Variants in PUM3 observed in about 807,000 individuals in gnomAD.
PUM3 encodes pumilio RNA binding family member 3, also known as pumilio homolog 3.
Under a neutral mutation model 84.0 loss-of-function variants are expected in PUM3, and 91 were observed. The observed-to-expected ratio is 1.08, with a 90% CI of 0.91 to 1.29. PUM3 has a LOEUF of 1.29. Among genes scored for constraint, PUM3 ranks in the 50% most tolerant of loss-of-function variants. PUM3 has a pLI of 0.00. For synonymous variants in PUM3, 321 were observed against 266.7 expected, an observed-to-expected ratio of 1.20 and a Z score of -1.98; for missense variants, 1,067 against 767.5, an observed-to-expected ratio of 1.39 and a Z score of -4.61.
At chr9:2,829,308 A>G (rs10738792) in intron 8 of PUM3, among the ~76,000 whole-genome samples, 81,483 of 152,012 alleles carry the variant, frequency 0.54, 22,113 homozygotes, top group South Asian at 0.61. Flanking sequence ...CAATCCCTGT[A>G]CTCTATCCAA....
chr9:2,827,360 C>T (rs879509402), intron 9 of PUM3, among the ~76,000 whole-genome samples: 1 of 152,174 alleles, frequency 6.6e-6, no homozygotes, highest in Admixed American at 6.5e-5. Context: ...CATCTACAAC[C>T]AAGACCAGAG....
At chr9:2,806,223 C>T (rs765338390) in intron 17 of PUM3, among the ~76,000 whole-genome samples, 7 of 152,160 alleles carry the variant, frequency 4.6e-5, no homozygotes, top group Non-Finnish European at 8.8e-5. Flanking sequence ...TAGGTGTTAA[C>T]ACTCCAAATG....
rs769753394 is a variant in PUM3, at chr9:2,837,165, C to T, written c.304+15G>A. 8.1e-6 allele frequency: 13 copies of T among 1,608,216 alleles called. No individual in the cohort carries two copies. The highest frequency in any genetic ancestry group is 1.7e-5 in the Admixed American group (1 of 59,994). On this transcript the variant is annotated intron_variant, in intron 3 of 17. Coordinates refer to ENST00000397885, the MANE Select transcript of PUM3 (RefSeq NM_014878.5). ...GTTCAGGCACTAGTTCAGGCATGAA[C>T]GAACCAGTACTTACCATCGCTTCTA... is the stretch of plus-strand genomic sequence containing the variant.
rs770792573 is a variant in PUM3, at chr9:2,827,083, T to C, written c.1025A>G (p.Lys342Arg). ...FLDFFTYAPP[K>R]LRSEMIEAIR... Reference sequence around the variant, plus strand: ...AAACCAAGAACTTACTGATCTGAGTTTGGGGGGTGCATAGGTAAAAAAGTC... The same window carrying C: ...AAACCAAGAACTTACTGATCTGAGTCTGGGGGGTGCATAGGTAAAAAAGTC... The change falls in exon 10 of 18, where the codon AAA (lysine) becomes AGA (arginine). Residue 342 changes from lysine (K) to arginine (R), a missense_variant. Lys to Arg is a conservative substitution (Grantham distance 26). Transcript: ENST00000397885. 4 of 1,608,554 alleles carry C rather than the reference T, an allele frequency of 2.5e-6. No individual in the cohort carries two copies. Among genetic ancestry groups the C allele is most frequent in the African/African-American group, 2.7e-5 (2 of 74,792 alleles).
intron 17 of PUM3, 41 bp downstream of exon 17, chr9:2,807,773 T>C (rs1445034095): frequency 3.1e-6 from 4 of 1,302,334 alleles, no homozygotes; most frequent in Non-Finnish European, 2.2e-6. Flanking sequence ...GTCTTTTGCA[T>C]GACCAGGCCC....
intron 5 of PUM3, among the ~76,000 whole-genome samples, chr9:2,831,605 C>A (rs938499793): frequency 4.6e-5 from 7 of 152,074 alleles, no homozygotes; most frequent in African/African-American, 1.7e-4. Context: ...CCTCTCATTG[C>A]AATTAAAACC....
chr9:2,830,386 G>C (rs1023534940), intron 7 of PUM3, among the ~76,000 whole-genome samples: 5 of 152,124 alleles, frequency 3.3e-5, no homozygotes, highest in African/African-American at 1.2e-4. Context: ...AAAAAGATTG[G>C]TCAAGACAAG....
In PUM3 at chr9:2,807,024, C is replaced by T. The variant is rs542466008; in HGVS notation, c.1814+790G>A. On this transcript the variant is annotated intron_variant, in intron 17 of 17. Transcript: ENST00000397885. ...GAGATCGAGACCATCCTGGCTAACA[C>T]GGTGAAACCAGGTCTCTACTAAAAA... 2.6e-5 allele frequency among the ~76,000 whole-genome samples: 4 copies of T among 151,942 alleles called. No individual in the cohort carries two copies. The East Asian group carries it at 5.8e-4, about 22-fold the overall frequency.
At chr9:2,841,215 T>A (rs1816256513) in intron 1 of PUM3, among the ~76,000 whole-genome samples, 1 of 152,234 alleles carries the variant, frequency 6.6e-6, no homozygotes, top group African/African-American at 2.4e-5. Context: ...CTGTACCCCG[T>A]GAGAAATAAA....
chr9:2,812,774 C>A (rs1273309465), intron 13 of PUM3, among the ~76,000 whole-genome samples: 1 of 152,140 alleles, frequency 6.6e-6, no homozygotes, highest in African/African-American at 2.4e-5. Context: ...TGACCAAGCC[C>A]AAGGACTTAA....
intron 14 of PUM3, among the ~76,000 whole-genome samples, chr9:2,811,887 A>C (rs1351849502): frequency 6.6e-6 from 1 of 152,100 alleles, no homozygotes; most frequent in Non-Finnish European, 1.5e-5. Flanking sequence ...ATACCCAGAA[A>C]ACAACACATT....
At position 2,824,687 on chromosome 9, in the gene PUM3, G is replaced by T. The variant is rs767409507; in HGVS notation, c.1134+30C>A. 3.5e-6 allele frequency: 5 copies of T among 1,425,334 alleles called. No homozygotes were observed. In the East Asian group the frequency reaches 9.9e-5, roughly 28 times the overall value. 88.3% of individuals were successfully genotyped at this position (1,425,334 alleles called of 1,614,324 possible). On this transcript the variant is annotated intron_variant, in intron 11 of 17. Transcript: ENST00000397885. ...ATAAAGCATGGCCCTGACTTGTACA[G>T]TTTAAATGCCCAAGTGCTGTCACAC...
chr9:2,824,422 C>T (rs1399085176), intron 11 of PUM3, among the ~76,000 whole-genome samples: 2 of 152,090 alleles, frequency 1.3e-5, no homozygotes, highest in Non-Finnish European at 2.9e-5. Context: ...GAGGAGGTAC[C>T]AAAACCTCTA....
Position 2,804,393 on chromosome 9 carries a change from A to C in PUM3, c.1885T>G (p.Leu629Val), listed in dbSNP as rs12171. The C allele has an allele frequency of 2.5e-5, 41 of 1,613,670 alleles. No homozygotes were observed. The highest frequency in any genetic ancestry group is 3.4e-5 in the Non-Finnish European group (40 of 1,179,926). Reference sequence around the variant, plus strand: ...TTGCTGGTGCTTTTGGTTTTTTCCAATGTAGGAATCAAGCTTTTCAGTGCA... The same window carrying C: ...TTGCTGGTGCTTTTGGTTTTTTCCACTGTAGGAATCAAGCTTTTCAGTGCA... ...KAALKSLIPT[L>V]EKTKSTSKGI... Residue 629 changes from leucine (L) to valine (V), a missense_variant, in exon 18 of 18, where the codon TTG becomes GTG. Physicochemically the swap from Leu to Val is conservative, Grantham distance 32. Coordinates refer to ENST00000397885, the MANE Select transcript of PUM3 (RefSeq NM_014878.5).
At chr9:2,819,946 T>C (rs1821552768) in intron 13 of PUM3, 72 bp downstream of exon 13, 1 of 971,732 alleles carries the variant, frequency 1.0e-6, no homozygotes, top group Admixed American at 1.7e-5. Context: ...ACATGCATGG[T>C]GAAATCAAGC....
chr9:2,817,860 T>C (rs946451692), intron 13 of PUM3, among the ~76,000 whole-genome samples: 2 of 152,186 alleles, frequency 1.3e-5, no homozygotes, highest in African/African-American at 2.4e-5. Context: ...TCAATATTTA[T>C]TCACCCTCAA....
In PUM3 at chr9:2,807,922, G is replaced by C. The variant is rs765366552; in HGVS notation, c.1724-18C>G. On this transcript the variant is annotated intron_variant, in intron 16 of 17. Transcript: ENST00000397885. ...AAAACAACCTGTAAAATATACTGAAGCTTAGTGAACATCACATAATAAGAT... is the reference window on the plus strand; with the variant it reads ...AAAACAACCTGTAAAATATACTGAACCTTAGTGAACATCACATAATAAGAT... The C allele has an allele frequency of 2.0e-6, 3 of 1,507,048 alleles. No homozygotes were observed. Among genetic ancestry groups the C allele is most frequent in the Non-Finnish European group, 2.8e-6 (3 of 1,083,714 alleles). 93.4% of individuals were successfully genotyped at this position (1,507,048 alleles called of 1,614,324 possible).
Position 2,824,784 on chromosome 9 carries a change from A to G in PUM3, c.1067T>C (p.Val356Ala). The G allele has an allele frequency of 6.3e-7, 1 of 1,582,844 alleles. No homozygotes were observed. The highest frequency in any genetic ancestry group is 8.6e-7 in the Non-Finnish European group (1 of 1,159,756). Residue 356 changes from valine to alanine, a missense_variant, in exon 11 of 18, where the codon GTC (valine) becomes GCC (alanine). Transcript: ENST00000397885. The part of the protein sequence containing the change: ...EMIEAIREAV[V>A]YLAHTHDGAR... ...GCCATCGTGTGTGTGTGCCAGGTAG[A>G]CCACCGCTTCGCGGATGGCTTCAAT...
intron 9 of PUM3, among the ~76,000 whole-genome samples, chr9:2,827,597 A>G (rs1454430282): frequency 6.6e-6 from 1 of 152,174 alleles, no homozygotes; most frequent in Non-Finnish European, 1.5e-5. Context: ...AATGAACCAA[A>G]CATTGTCAGC....
Sources: allele counts gnomAD v4.1 joint callset (sites outside exome capture counted in the v4.1 genomes callset), GRCh38; gene constraint gnomAD v4.1.1; transcripts MANE v1.5; gene names NCBI Gene and HGNC (gene_info 2026-07-23, HGNC 2026-07-21).